POLA1: variants seen among roughly 807,000 people sequenced by gnomAD.
POLA1 encodes DNA polymerase alpha catalytic subunit.
POLA1 carries 15 observed loss-of-function variants against 124.0 expected under a neutral mutation model. That is an observed-to-expected ratio of 0.12 (90% CI 0.08 to 0.19). The LOEUF (loss-of-function observed/expected upper bound fraction) is 0.19. POLA1 is among the 10% of genes least tolerant of loss of function. POLA1 has a pLI of 1.00. For missense variants in POLA1, 886 were observed against 1,103.4 expected (o/e 0.80, Z 2.79); for synonymous variants, 408 against 389.4 (o/e 1.05, Z -0.56).
chrX:24,810,784 T>C lies in POLA1; in HGVS notation c.3074T>C (p.Phe1025Ser). Residue 1025 changes from phenylalanine (F) to serine (S), a missense_variant, in exon 28 of 37, where the codon TTT becomes TCT. By Grantham distance (155) the Phe-to-Ser change is radical (BLOSUM62 -2). Transcript: ENST00000379068. ...NTNSTNLEEV[F>S]KLGNKVKSEV... ...AATAGCACCAATCTGGAAGAAGTAT[T>C]TAAGTTGGGAAACAAGGTGAGATAA... 9.5e-7 allele frequency: 1 copy of C among 1,048,311 alleles called. No homozygotes were observed. Among genetic ancestry groups the C allele is most frequent in the Non-Finnish European group, 1.3e-6 (1 of 754,705 alleles). The allele number at this position is 1,048,311 out of a possible 1,213,427, so 86.4% of individuals were successfully genotyped here.
At chrX:24,841,074 A>G (rs1381894661) in intron 32 of POLA1, among the ~76,000 whole-genome samples, 1 of 112,138 alleles carries the variant, frequency 8.9e-6, no homozygotes, top group Admixed American at 9.5e-5. Context: ...TTGTTTTTGC[A>G]CATATTTTAA....
At chrX:24,955,496 A>G (rs1176859533) in intron 36 of POLA1, among the ~76,000 whole-genome samples, 1 of 111,215 alleles carries the variant, frequency 9.0e-6, no homozygotes, top group African/African-American at 3.3e-5. Flanking sequence ...GGATTAAGAC[A>G]CAGTTTCTGC....
At chrX:24,741,873 T>TA (rs1247984512) in intron 21 of POLA1, 129 bp from the exon 22 acceptor site, 372 of 395,370 alleles carry the variant, frequency 9.4e-4, no homozygotes, top group Non-Finnish European at 1.1e-3. Context: ...TTTTTTTTTT[T>TA]AAAAAAAAAG....
intron 26 of POLA1, chrX:24,788,333 CTTTTTT>C: frequency 1.1e-6 from 1 of 905,156 alleles, no homozygotes; most frequent in African/African-American, 2.1e-5. Context: ...TTTACTACTT[CTTTTTT>C]TTTTTTTTAA....
At chrX:24,787,192 T>A (rs1254537869) in intron 26 of POLA1, among the ~76,000 whole-genome samples, 1 of 112,060 alleles carries the variant, frequency 8.9e-6, no homozygotes, top group Non-Finnish European at 1.9e-5. Flanking sequence ...TTTTGTTTTG[T>A]TAATTGCTTT....
At chrX:24,716,249 A>G in intron 6 of POLA1, 113 bp from the exon 7 acceptor site, 1 of 442,217 alleles carries the variant, frequency 2.3e-6, no homozygotes, top group Non-Finnish European at 4.1e-6. Context: ...GGGAGGGGGA[A>G]AGGGAAAGAA....
intron 34 of POLA1, among the ~76,000 whole-genome samples, chrX:24,856,575 A>G (rs753379164): frequency 1.8e-5 from 2 of 111,701 alleles, no homozygotes; most frequent in South Asian, 3.7e-4. Context: ...TTGCCAAACT[A>G]TTTTTCAGAA....
intron 17 of POLA1, 120 bp downstream of exon 17, chrX:24,733,936 A>G (rs1376162298): frequency 9.5e-6 from 4 of 420,583 alleles, no homozygotes; most frequent in Non-Finnish European, 1.7e-5. Flanking sequence ...GCCAGATTGG[A>G]CTATGACATC....
At chrX:24,766,546 G>A (rs1006203533) in intron 26 of POLA1, among the ~76,000 whole-genome samples, 1 of 111,939 alleles carries the variant, frequency 8.9e-6, no homozygotes, top group Non-Finnish European at 1.9e-5. Context: ...GATTATAGGT[G>A]ATTAGGTAAA....
At chrX:24,872,684 A>G (rs925478428) in intron 34 of POLA1, among the ~76,000 whole-genome samples, 39 of 111,697 alleles carry the variant, frequency 3.5e-4, no homozygotes, top group Admixed American at 2.9e-4. Flanking sequence ...ATAGACCCAA[A>G]GTTGCATTTT....
At chrX:24,827,378 A>G (rs781388166) in intron 32 of POLA1, among the ~76,000 whole-genome samples, 2 of 112,591 alleles carry the variant, frequency 1.8e-5, no homozygotes, top group African/African-American at 6.4e-5. Context: ...GAGTGTTTTC[A>G]GAGTACTGCC....
chrX:24,869,301 A>C (rs1250079178), intron 34 of POLA1, among the ~76,000 whole-genome samples: 1 of 112,434 alleles, frequency 8.9e-6, no homozygotes, highest in Non-Finnish European at 1.9e-5. Context: ...TGTTGCTCAC[A>C]GTGTCATCCC....
intron 36 of POLA1, among the ~76,000 whole-genome samples, chrX:24,974,241 G>A (rs1466691839): frequency 9.0e-6 from 1 of 111,260 alleles, no homozygotes; most frequent in Non-Finnish European, 1.9e-5. Context: ...ACATTTCATT[G>A]TCACAAGTTG....
intron 36 of POLA1, among the ~76,000 whole-genome samples, chrX:24,960,451 G>A (rs955524532): frequency 1.8e-5 from 2 of 111,610 alleles, no homozygotes; most frequent in Middle Eastern, 4.6e-3. Context: ...AAGAGCTGAC[G>A]GCGAGTGAAC....
intron 32 of POLA1, among the ~76,000 whole-genome samples, chrX:24,837,200 G>A (rs1228707815): frequency 1.8e-5 from 2 of 111,914 alleles, no homozygotes; most frequent in Non-Finnish European, 3.8e-5. Flanking sequence ...TCTAGGCACA[G>A]ACACAGAACA....
At chrX:24,858,018 G>A (rs1395945015) in intron 34 of POLA1, among the ~76,000 whole-genome samples, 44 of 111,782 alleles carry the variant, frequency 3.9e-4, no homozygotes, top group Non-Finnish European at 5.6e-5. Flanking sequence ...ATACTTTCAC[G>A]CCTGTATCAA....
intron 34 of POLA1, among the ~76,000 whole-genome samples, chrX:24,856,161 A>G (rs1331038595): frequency 1.8e-5 from 2 of 111,540 alleles, no homozygotes; most frequent in Non-Finnish European, 3.8e-5. Flanking sequence ...AAAACTCCCA[A>G]AATAGTCCTA....
chrX:24,984,788 G>T (rs923284960), intron 36 of POLA1, among the ~76,000 whole-genome samples: 1 of 107,533 alleles, frequency 9.3e-6, no homozygotes. Flanking sequence ...GCCTCCCGAG[G>T]AGCTGGGACT....
At chrX:24,739,287 AT>A in intron 19 of POLA1, 87 bp from the exon 20 acceptor site, 1 of 600,309 alleles carries the variant, frequency 1.7e-6, no homozygotes, top group Non-Finnish European at 2.7e-6. Context: ...TTTTATCATA[AT>A]TTTGGGCCAG....
Sources: gnomAD v4.1 joint callset for allele counts (sites outside exome capture counted in the v4.1 genomes callset) on GRCh38, gnomAD v4.1.1 for gene constraint, MANE v1.5 for transcripts, NCBI Gene and HGNC (gene_info 2026-07-23, HGNC 2026-07-21) for gene names.